Variants in PHIP observed in about 807,000 individuals in gnomAD.
PHIP encodes PHIP subunit of CUL4-Ring ligase complex, also known as PH-interacting protein.
A neutral mutation model predicts 236.8 loss-of-function variants in PHIP; 54 were observed. The ratio of observed to expected loss-of-function variants is 0.23; its 90% CI spans 0.18 to 0.29. The LOEUF (loss-of-function observed/expected upper bound fraction) is 0.29. Among genes scored for constraint, PHIP ranks in the 10% least tolerant of loss-of-function variants. The probability of loss-of-function intolerance (pLI) is 1.00; values close to 1 mark genes in which losing one functional copy is unlikely to be tolerated. For synonymous variants in PHIP, 756 were observed against 718.9 expected (o/e 1.05, Z -0.83); for missense variants, 1,370 against 2,190.8 (o/e 0.63, Z 7.48).
chr6:79,028,570 T>C (rs1753320588), intron 7 of PHIP, among the ~76,000 whole-genome samples: 1 of 152,172 alleles, frequency 6.6e-6, no homozygotes, highest in Non-Finnish European at 1.5e-5. Flanking sequence ...CATTAGGGAT[T>C]TGCTGAGTAA....
At chr6:79,059,626 A>ATATATATAT (rs1562216785) in intron 6 of PHIP, among the ~76,000 whole-genome samples, 855 of 42,520 alleles carry the variant, frequency 0.02, 3 homozygotes, top group South Asian at 0.061. Flanking sequence ...TATATATATA[A>ATATATATAT]AAATGCCAAA....
intron 38 of PHIP, chr6:78,945,752 G>A: frequency 1.7e-6 from 1 of 597,824 alleles, no homozygotes; most frequent in South Asian, 2.2e-5. Context: ...AGCTAGTGTG[G>A]GTACTGTGAT....
chr6:78,973,237 A>G (rs1007466813), intron 24 of PHIP, among the ~76,000 whole-genome samples: 3 of 151,990 alleles, frequency 2.0e-5, no homozygotes, highest in Non-Finnish European at 4.4e-5. Flanking sequence ...ATTCTTAAAG[A>G]AAAGAATTTT....
At chr6:79,055,699 C>T (rs1201301363) in intron 6 of PHIP, among the ~76,000 whole-genome samples, 4 of 152,190 alleles carry the variant, frequency 2.6e-5, no homozygotes, top group Non-Finnish European at 4.4e-5. Flanking sequence ...TCACAACTTA[C>T]ATCAAAGACC....
chr6:79,027,279 C>T (rs1440303178), intron 7 of PHIP, among the ~76,000 whole-genome samples: 2 of 152,010 alleles, frequency 1.3e-5, no homozygotes, highest in Admixed American at 1.3e-4. Flanking sequence ...ACCTAAAACA[C>T]CCCCCAATTA....
At chr6:78,999,365 G>C (rs1007187387) in intron 17 of PHIP, among the ~76,000 whole-genome samples, 2 of 152,002 alleles carry the variant, frequency 1.3e-5, no homozygotes, top group Non-Finnish European at 2.9e-5. Context: ...CATTTCCTCT[G>C]TGAAATCTTT....
At chr6:79,032,210 G>C (rs772606412) in intron 7 of PHIP, among the ~76,000 whole-genome samples, 25 of 152,214 alleles carry the variant, frequency 1.6e-4, no homozygotes, top group Non-Finnish European at 2.2e-4. Flanking sequence ...GCTTTGCCTT[G>C]ATGCTGACAG....
At chr6:78,992,001 G>A (rs910245620) in intron 19 of PHIP, among the ~76,000 whole-genome samples, 2 of 143,634 alleles carry the variant, frequency 1.4e-5, no homozygotes, top group Non-Finnish European at 1.5e-5. Flanking sequence ...TCTCGCTGTC[G>A]CCCAGGCTGG....
chr6:79,073,549 A>C (rs190157759), intron 4 of PHIP, among the ~76,000 whole-genome samples: 197 of 152,296 alleles, frequency 1.3e-3, no homozygotes, highest in African/African-American at 4.6e-3. Context: ...CCCTACTTCT[A>C]AAACATTTAA....
intron 24 of PHIP, among the ~76,000 whole-genome samples, chr6:78,971,697 G>A (rs1297836527): frequency 6.6e-6 from 1 of 152,154 alleles, no homozygotes; most frequent in African/African-American, 2.4e-5. Flanking sequence ...GAAGTAGGGT[G>A]AGGCATTGCC....
intron 7 of PHIP, among the ~76,000 whole-genome samples, chr6:79,041,484 A>G (rs1218131801): frequency 6.6e-6 from 1 of 152,144 alleles, no homozygotes; most frequent in African/African-American, 2.4e-5. Context: ...TTACAATGGC[A>G]TAACTTTATA....
intron 2 of PHIP, 61 bp from the exon 3 acceptor site, chr6:79,077,790 C>CGCG: frequency 1.0e-6 from 1 of 988,246 alleles, no homozygotes; most frequent in Non-Finnish European, 1.2e-6. Context: ...CCGCCGCCGC[C>CGCG]GCCTCCCTCC....
At chr6:79,050,113 G>A (rs1204459741) in intron 6 of PHIP, among the ~76,000 whole-genome samples, 1 of 151,276 alleles carries the variant, frequency 6.6e-6, no homozygotes, top group Admixed American at 6.6e-5. Flanking sequence ...AGGACTTCAA[G>A]AATCTGACGA....
intron 7 of PHIP, among the ~76,000 whole-genome samples, chr6:79,036,921 CA>C (rs34875528): frequency 0.072 from 2,810 of 38,798 alleles, 6 homozygotes; most frequent in Middle Eastern, 0.2. Flanking sequence ...GACTCCGTCT[CA>C]AAAAAAAAAA....
At chr6:78,999,129 A>T (rs1454043796) in intron 17 of PHIP, among the ~76,000 whole-genome samples, 1 of 152,216 alleles carries the variant, frequency 6.6e-6, no homozygotes, top group Non-Finnish European at 1.5e-5. Flanking sequence ...GGTAGAACGC[A>T]AGAGGTACAA....
chr6:78,972,763 G>C (rs968062504), intron 24 of PHIP, among the ~76,000 whole-genome samples: 3 of 152,124 alleles, frequency 2.0e-5, no homozygotes, highest in Admixed American at 6.6e-5. Context: ...CGATGAACTG[G>C]AAGAAAGGGT....
intron 9 of PHIP, 39 bp downstream of exon 9, chr6:79,025,475 TTAAAC>T: frequency 8.3e-7 from 1 of 1,200,474 alleles, no homozygotes; most frequent in Non-Finnish European, 1.2e-6. Flanking sequence ...ATTTCACTCA[TTAAAC>T]TAAACACATT....
chr6:79,063,115 G>A (rs1321331215), intron 4 of PHIP, among the ~76,000 whole-genome samples: 1 of 152,144 alleles, frequency 6.6e-6, no homozygotes, highest in Non-Finnish European at 1.5e-5. Flanking sequence ...TATGTGCCCT[G>A]TTTTGGGGGT....
At chr6:78,998,221 A>T (rs1264512791) in intron 18 of PHIP, 33 bp downstream of exon 18, 1 of 1,573,946 alleles carries the variant, frequency 6.4e-7, no homozygotes, top group South Asian at 1.1e-5. Flanking sequence ...TCAAATTTTT[A>T]AATATTTCAC....
Sources: allele counts gnomAD v4.1 joint callset (sites outside exome capture counted in the v4.1 genomes callset), GRCh38; gene constraint gnomAD v4.1.1; transcripts MANE v1.5; gene names NCBI Gene and HGNC (gene_info 2026-07-23, HGNC 2026-07-21).